UGT2B7: variants seen among roughly 807,000 people sequenced by gnomAD.
The protein encoded by UGT2B7 is UDP-glucuronosyltransferase 2B7.
A neutral mutation model predicts 51.9 loss-of-function variants in UGT2B7; 51 were observed. The ratio of observed to expected loss-of-function variants is 0.98; its 90% CI spans 0.78 to 1.24. The LOEUF is 1.24. UGT2B7 is among the 50% of genes most tolerant of loss of function. The probability of loss-of-function intolerance (pLI) is 0.00; values close to 1 mark genes in which losing one functional copy is unlikely to be tolerated. For missense variants in UGT2B7, 727 were observed against 628.4 expected (o/e 1.16, Z -1.68); for synonymous variants, 225 against 211.6 (o/e 1.06, Z -0.55).
chr4:69,080,755 C>G (rs116451022), intron 1 of UGT2B7, among the ~76,000 whole-genome samples: 4 of 152,230 alleles, frequency 2.6e-5, no homozygotes, highest in African/African-American at 9.6e-5. Context: ...AAACATTCTT[C>G]TTTACACACT....
At chr4:69,063,182 A>G (rs907378706) in intron 1 of UGT2B7, among the ~76,000 whole-genome samples, 2 of 150,524 alleles carry the variant, frequency 1.3e-5, no homozygotes, top group East Asian at 2.0e-4. Flanking sequence ...AGCCGGGCGT[A>G]GTGGCGGGCG....
At chr4:69,064,094 A>AAGAGAGAGAGAGAG (rs112391559) in intron 1 of UGT2B7, among the ~76,000 whole-genome samples, 12 of 84,412 alleles carry the variant, frequency 1.4e-4, no homozygotes, top group Admixed American at 2.4e-4. Context: ...GAAAGAAAGA[A>AAGAGAGAGAGAGAG]AGAGAAAGAA....
Position 69,096,948 on chromosome 4 carries a change from C to G in UGT2B7, c.428C>G (p.Ser143Ter). 6.2e-7 allele frequency: 1 copy of G among 1,613,214 alleles called. No homozygotes were observed. Among genetic ancestry groups the G allele is most frequent in the East Asian group, 2.2e-5 (1 of 44,864 alleles). ...AAATTTATGAAAAAAGTACAAGAGT[C>G]AAGATTTGACGTCATTTTTGCAGAT... ...NKKFMKKVQE[S>*]RFDVIFADAI... is the part of the protein sequence containing the mutation. Residue 143 changes from serine to a stop codon, truncating the protein, a stop_gained, in exon 1 of 6, where the codon TCA becomes TGA. Transcript: ENST00000305231. LOFTEE classifies it high-confidence loss of function.
At position 69,065,996 on chromosome 4, in the gene UGT2B7, C is replaced by A. The variant is rs1296609501; in HGVS notation, c.-159+14394C>A. ...TTAACTTGACAATATAAAAATTAGTCAAGAAAATATAGTTGTTCCATTTAC... is the reference window on the plus strand; with the variant it reads ...TTAACTTGACAATATAAAAATTAGTAAAGAAAATATAGTTGTTCCATTTAC... On this transcript the variant is annotated intron_variant, in intron 1 of 5. Coordinates refer to the UGT2B7 transcript ENST00000502942. Among the ~76,000 whole-genome samples, 5 of 152,032 alleles carry A rather than the reference C, an allele frequency of 3.3e-5. No homozygotes were observed. The East Asian group carries it at 9.6e-4, about 29-fold the overall frequency.
intron 3 of UGT2B7, among the ~76,000 whole-genome samples, chr4:69,104,248 A>C (rs6600890): frequency 1.3e-5 from 2 of 151,978 alleles, no homozygotes; most frequent in East Asian, 3.9e-4. Context: ...GATCACACCA[A>C]TGCACTCCAG....
At position 69,076,480 on chromosome 4, in the gene UGT2B7, T is replaced by C. The variant is rs188472277; in HGVS notation, c.-158-12992T>C. ...ACTTTTTAATGATCACCATTCTAAC[T>C]GGCGTGAGATGGTATTTCATTGTGG... is the stretch of plus-strand genomic sequence containing the variant. On this transcript the variant is annotated intron_variant, in intron 1 of 5. Coordinates refer to the UGT2B7 transcript ENST00000502942. Among the ~76,000 whole-genome samples, 58 of 152,356 alleles carry C rather than the reference T, an allele frequency of 3.8e-4. 2 individuals carry two copies. The highest frequency in any genetic ancestry group is 3.6e-3 in the Admixed American group (55 of 15,304).
intron 3 of UGT2B7, among the ~76,000 whole-genome samples, chr4:69,106,862 T>C (rs1359231228): frequency 1.3e-5 from 2 of 151,874 alleles, no homozygotes; most frequent in African/African-American, 2.4e-5. Flanking sequence ...CTTTTTTCTT[T>C]TTTTTTTTCA....
At chr4:69,071,556 T>C (rs1356531063) in intron 1 of UGT2B7, among the ~76,000 whole-genome samples, 4 of 152,094 alleles carry the variant, frequency 2.6e-5, no homozygotes, top group African/African-American at 4.8e-5. Flanking sequence ...TGTTCTTCCA[T>C]CTGACAAGAG....
At chr4:69,075,912 A>C (rs1718692133) in intron 1 of UGT2B7, among the ~76,000 whole-genome samples, 1 of 152,000 alleles carries the variant, frequency 6.6e-6, no homozygotes, top group Non-Finnish European at 1.5e-5. Flanking sequence ...TATTTCTCCT[A>C]ATGCTATTCC....
At chr4:69,059,893 G>T (rs1294699070) in intron 1 of UGT2B7, among the ~76,000 whole-genome samples, 1 of 152,218 alleles carries the variant, frequency 6.6e-6, no homozygotes, top group Non-Finnish European at 1.5e-5. Context: ...ATTCCAGCAA[G>T]TGCCACTTGA....
At chr4:69,077,375 A>G (rs1577913268) in intron 1 of UGT2B7, among the ~76,000 whole-genome samples, 2 of 152,118 alleles carry the variant, frequency 1.3e-5, no homozygotes, top group East Asian at 1.9e-4. Flanking sequence ...TACTTTTGTC[A>G]GTATGGCCAT....
chr4:69,101,389 T>A (rs1719413495), intron 2 of UGT2B7, among the ~76,000 whole-genome samples: 1 of 152,058 alleles, frequency 6.6e-6, no homozygotes, highest in Non-Finnish European at 1.5e-5. Flanking sequence ...ATTAATCTTA[T>A]ATTATTTTTA....
chr4:69,063,011 G>A (rs901559790), intron 1 of UGT2B7, among the ~76,000 whole-genome samples: 1 of 152,078 alleles, frequency 6.6e-6, no homozygotes, highest in Non-Finnish European at 1.5e-5. Flanking sequence ...TTAGGATGCC[G>A]TCACTGCATG....
At chr4:69,109,464 G>C (rs1719711971) in intron 5 of UGT2B7, among the ~76,000 whole-genome samples, 1 of 152,030 alleles carries the variant, frequency 6.6e-6, no homozygotes, top group South Asian at 2.1e-4. Context: ...CCTGGTCTTG[G>C]ATTGCATTTT....
intron 1 of UGT2B7, among the ~76,000 whole-genome samples, chr4:69,082,738 C>A (rs1718866615): frequency 6.6e-6 from 1 of 152,060 alleles, no homozygotes. Context: ...GTAGAAGCTG[C>A]AGGAAATTAT....
chr4:69,097,069 T>G lies in UGT2B7; in HGVS notation c.549T>G (p.His183Gln). ...SFSPGYTFEK[H>Q]SGGFIFPPSY... ...CTCCTGGCTACACTTTTGAAAAGCA[T>G]AGTGGAGGATTTATTTTCCCTCCTT... Residue 183 changes from histidine to glutamine, a missense_variant, in exon 1 of 6, where the codon CAT (histidine) becomes CAG (glutamine). Transcript: ENST00000305231. The G allele has an allele frequency of 1.2e-6, 2 of 1,613,806 alleles. No individual in the cohort carries two copies. Among genetic ancestry groups the G allele is most frequent in the East Asian group, 2.2e-5 (1 of 44,862 alleles).
At chr4:69,074,492 T>A (rs1268574010) in intron 1 of UGT2B7, among the ~76,000 whole-genome samples, 1 of 118,718 alleles carries the variant, frequency 8.4e-6, no homozygotes. Context: ...CTATTTATGA[T>A]CCTTGGGTGA....
intron 1 of UGT2B7, among the ~76,000 whole-genome samples, chr4:69,078,085 T>C (rs184166161): frequency 6.6e-6 from 1 of 152,164 alleles, no homozygotes; most frequent in Admixed American, 6.5e-5. Context: ...GTTCTTTTTA[T>C]GTCATGGATT....
intron 1 of UGT2B7, among the ~76,000 whole-genome samples, chr4:69,052,098 A>G (rs1288882041): frequency 6.6e-6 from 1 of 152,128 alleles, no homozygotes; most frequent in African/African-American, 2.4e-5. Flanking sequence ...GACTCCAGGA[A>G]AACTTAGAGC....
Sources: gnomAD v4.1 joint callset for allele counts (sites outside exome capture counted in the v4.1 genomes callset) on GRCh38, gnomAD v4.1.1 for gene constraint, MANE v1.5 for transcripts, NCBI Gene and HGNC (gene_info 2026-07-23, HGNC 2026-07-21) for gene names.